Variants in TMEM234 observed in about 807,000 individuals in gnomAD.
The protein encoded by TMEM234 is transmembrane protein 234.
TMEM234 carries 21 observed loss-of-function variants against 17.8 expected under a neutral mutation model. The observed-to-expected ratio is 1.18, with a 90% CI of 0.84 to 1.70. TMEM234 has a LOEUF of 1.70. Among genes scored for constraint, TMEM234 ranks in the 40% most tolerant of loss-of-function variants. The pLI, the probability that TMEM234 is intolerant of heterozygous loss-of-function variation, is 0.00. For missense variants in TMEM234, 137 were observed against 166.9 expected (o/e 0.82, Z 0.99); for synonymous variants, 83 against 73.5 (o/e 1.13, Z -0.66).
chr1:32,214,630 C>A, downstream of TMEM234: 1 of 925,822 alleles, frequency 1.1e-6, no homozygotes, highest in Non-Finnish European at 1.6e-6. Flanking sequence ...ATAAGTCAGG[C>A]TGGTGGGAAG....
At chr1:32,218,254 G>A (rs562430464) in intron 3 of TMEM234, among the ~76,000 whole-genome samples, 14 of 151,868 alleles carry the variant, frequency 9.2e-5, no homozygotes, top group Admixed American at 2.6e-4. Context: ...GTGAAACCCC[G>A]TCTCTACTAA....
chr1:32,217,586 A>C, intron 3 of TMEM234: 2 of 879,620 alleles, frequency 2.3e-6, no homozygotes, highest in Non-Finnish European at 3.6e-6. Flanking sequence ...GCCTGGTTTG[A>C]TAATGAGAAT....
At chr1:32,221,430 C>T (rs1320627844) in intron 2 of TMEM234, among the ~76,000 whole-genome samples, 1 of 152,174 alleles carries the variant, frequency 6.6e-6, no homozygotes, top group Non-Finnish European at 1.5e-5. Context: ...CCTGCAAGGC[C>T]TTGAAGCCAA....
At chr1:32,218,678 C>T (rs371206320) in intron 3 of TMEM234, among the ~76,000 whole-genome samples, 8 of 152,174 alleles carry the variant, frequency 5.3e-5, no homozygotes, top group African/African-American at 1.9e-4. Flanking sequence ...TGGCTCACGC[C>T]TGTAATCCCA....
At chr1:32,214,849 G>A (rs777916886), downstream of TMEM234, 20 of 1,613,828 alleles carry the variant, frequency 1.2e-5, no homozygotes, top group Middle Eastern at 1.6e-4. Flanking sequence ...GAACCAGACC[G>A]AATTAAGCCA....
chr1:32,219,104 T>G, intron 3 of TMEM234, among the ~76,000 whole-genome samples: 1 of 134,296 alleles, frequency 7.4e-6, no homozygotes. Flanking sequence ...AAGAGCGAAA[T>G]GCCGTCTCAA....
At chr1:32,214,664 C>T, downstream of TMEM234, 1 of 1,339,868 alleles carries the variant, frequency 7.5e-7, no homozygotes, top group Non-Finnish European at 1.0e-6. Flanking sequence ...GGAGGACGTA[C>T]TTTGTGAAGA....
rs1312806944 is a variant in TMEM234 at position 32,218,526 on chromosome 1, G to A, written c.236-1175C>T. Among the ~76,000 whole-genome samples the A allele has an allele frequency of 6.6e-5, 10 of 151,280 alleles. 1 individual carries two copies. The highest frequency in any genetic ancestry group is 6.6e-4 in the Admixed American group (10 of 15,202). ...CACATCAAAAAAAGAGCCACAGCCA[G>A]GCGCAGTGGCTCATGCCTGTAATCC... On this transcript the variant is annotated intron_variant, in intron 3 of 4. Transcript: ENST00000309777.
At chr1:32,215,160 C>A (rs952152925), downstream of TMEM234, 8 of 638,242 alleles carry the variant, frequency 1.3e-5, no homozygotes, top group Non-Finnish European at 2.1e-5. Context: ...CTCCAGCTGC[C>A]CCCGTCTGTA....
At position 32,216,782 on chromosome 1, in the gene TMEM234, C is replaced by T. The variant is rs1053650328; in HGVS notation, c.*71G>A. On this transcript the variant is annotated 3_prime_UTR_variant, in exon 5 of 5. Transcript: ENST00000309777. ...AGAGAGGGGAAGTGCTAGGTCCATC[C>T]GCTCACTGCCAGCACTTCATGGCCC... 4.2e-5 allele frequency: 66 copies of T among 1,583,616 alleles called. 1 individual carries two copies. Among genetic ancestry groups the T allele is most frequent in the Admixed American group, 3.2e-4 (18 of 56,084 alleles).
intron 4 of TMEM234, 92 bp downstream of exon 4, chr1:32,217,167 C>T (rs1638469068): frequency 6.2e-7 from 1 of 1,610,378 alleles, no homozygotes; most frequent in Admixed American, 1.7e-5. Flanking sequence ...GTGTCCTCAC[C>T]CACTCTGGGG....
downstream of TMEM234, chr1:32,215,764 T>A (rs1638330122): frequency 6.8e-7 from 1 of 1,476,806 alleles, no homozygotes; most frequent in Non-Finnish European, 9.2e-7. Context: ...CTGGCCATAC[T>A]CACGGCTCCA....
At position 32,221,173 on chromosome 1, in the gene TMEM234, G is replaced by A; in HGVS notation, c.193C>T (p.Gln65Ter). The A allele has an allele frequency of 6.2e-7, 1 of 1,613,702 alleles. No homozygotes were observed. Among genetic ancestry groups the A allele is most frequent in the Non-Finnish European group, 8.5e-7 (1 of 1,179,878 alleles). Reference sequence around the variant, plus strand: ...AGGTAATAGAGAAGGGATCCACACTGGTTGAGGAGAAAGGGCATCAGGTAC... The same window carrying A: ...AGGTAATAGAGAAGGGATCCACACTAGTTGAGGAGAAAGGGCATCAGGTAC... Reference protein sequence around the residue: ...TEYLMPFLLNQCGSLLYYLTL... With the variant: ...TEYLMPFLLN Residue 65 changes from glutamine to a stop codon, truncating the protein, a stop_gained, in exon 3 of 5, where the codon CAG becomes TAG. Coordinates refer to ENST00000309777, the MANE Select transcript of TMEM234 (RefSeq NM_019118.5). LOFTEE classifies it high-confidence loss of function.
In TMEM234 at chr1:32,216,394, C is replaced by T. The variant is rs1638384041; in HGVS notation, c.*459G>A. Reference sequence around the variant, plus strand: ...GCCACTCCGACGCACCTTCTTCCCTCGGTTCCACCCCTCATTCAGCCAAAG... The same window carrying T: ...GCCACTCCGACGCACCTTCTTCCCTTGGTTCCACCCCTCATTCAGCCAAAG... On this transcript the variant is annotated 3_prime_UTR_variant, in exon 5 of 5. Transcript: ENST00000309777. The T allele has an allele frequency of 4.5e-6, 7 of 1,551,388 alleles. No homozygotes were observed. The highest frequency in any genetic ancestry group is 1.4e-5 in the African/African-American group (1 of 73,166).
downstream of TMEM234, chr1:32,214,824 C>G: frequency 6.2e-7 from 1 of 1,613,958 alleles, no homozygotes; most frequent in Non-Finnish European, 8.5e-7. Context: ...CCAGGTAACC[C>G]AGCCCTCTCC....
rs1638945539 is a variant in TMEM234 at position 32,221,863 on chromosome 1, G to T, written c.168+4C>A. The T allele has an allele frequency of 2.5e-6, 4 of 1,612,638 alleles. No homozygotes were observed. The highest frequency in any genetic ancestry group is 4.5e-5 in the East Asian group (2 of 44,816). On this transcript the variant is annotated splice_donor_region_variant and intron_variant, in intron 2 of 4. Transcript: ENST00000309777. ...CGAGAGAGGGGCCTTTCACAGAGAC[G>T]CACCTCAGTATTCAAGAAGAGGGTC... is the stretch of plus-strand genomic sequence containing the variant.
Position 32,221,206 on chromosome 1 carries a change from A to T in TMEM234, c.169-9T>A. On this transcript the variant is annotated splice_polypyrimidine_tract_variant and intron_variant, in intron 2 of 4. Transcript: ENST00000309777. ...AGAAAGGGCATCAGGTACTGGAAAG[A>T]GGAGAAACCTGCAGTCAGTGTGATG... 1 of 1,611,312 alleles carries T rather than the reference A, an allele frequency of 6.2e-7. No individual in the cohort carries two copies. The highest frequency in any genetic ancestry group is 8.5e-7 in the Non-Finnish European group (1 of 1,178,164).
chr1:32,216,097 G>C, downstream of TMEM234: 2 of 677,370 alleles, frequency 3.0e-6, no homozygotes, highest in Non-Finnish European at 4.9e-6. Context: ...AGCCCTGGCT[G>C]TGGGGGCTAT....
downstream of TMEM234, chr1:32,215,601 C>G: frequency 2.0e-6 from 3 of 1,527,716 alleles, no homozygotes; most frequent in Non-Finnish European, 2.7e-6. Context: ...GAGCTGGAAA[C>G]TGGCAGCCTT....
Sources: allele counts gnomAD v4.1 joint callset (sites outside exome capture counted in the v4.1 genomes callset), GRCh38; gene constraint gnomAD v4.1.1; transcripts MANE v1.5; gene names NCBI Gene and HGNC (gene_info 2026-07-23, HGNC 2026-07-21).